Variants in PCDH15 observed in about 807,000 individuals in gnomAD.
The protein encoded by PCDH15 is protocadherin-15.
Under a neutral mutation model 178.5 loss-of-function variants are expected in PCDH15, and 129 were observed. The ratio of observed to expected loss-of-function variants is 0.72; its 90% CI spans 0.63 to 0.84. The LOEUF (loss-of-function observed/expected upper bound fraction) is 0.84, where lower values mean the gene tolerates loss of function less well. Among genes scored for constraint, PCDH15 ranks in the 40% least tolerant of loss-of-function variants. PCDH15 has a pLI of 0.00. For synonymous variants in PCDH15, 800 were observed against 732.0 expected, an observed-to-expected ratio of 1.09 and a Z score of -1.50; for missense variants, 2,230 against 2,099.9, an observed-to-expected ratio of 1.06 and a Z score of -1.21.
intron 2 of PCDH15, among the ~76,000 whole-genome samples, chr10:55,525,546 A>G (rs555061499): frequency 6.6e-6 from 1 of 152,006 alleles, no homozygotes; most frequent in South Asian, 2.1e-4. Flanking sequence ...CTAAATTTTT[A>G]AAGTATTTCT....
chr10:55,379,906 A>C (rs1316543889), intron 2 of PCDH15, among the ~76,000 whole-genome samples: 1 of 152,144 alleles, frequency 6.6e-6, no homozygotes, highest in East Asian at 1.9e-4. Flanking sequence ...GTTATTCTAG[A>C]AGTGCTAAGG....
rs1003660580 is a variant in PCDH15 at position 53,990,118 on chromosome 10, C to T, written c.2868+5531G>A. The stretch of plus-strand genomic sequence containing the variant: ...GTAACATCGTGACATTTTAATAAAA[C>T]ACAGATATACATTATAGAAAAGAAG... On this transcript the variant is annotated intron_variant, in intron 21 of 37. Transcript: ENST00000644397. 2.6e-5 allele frequency among the ~76,000 whole-genome samples: 4 copies of T among 152,060 alleles called. 1 individual carries two copies. The highest frequency in any genetic ancestry group is 5.9e-5 in the Non-Finnish European group (4 of 68,010).
intron 3 of PCDH15, among the ~76,000 whole-genome samples, chr10:54,396,245 T>A (rs1181113976): frequency 2.0e-5 from 3 of 152,166 alleles, no homozygotes; most frequent in Non-Finnish European, 4.4e-5. Flanking sequence ...CAAGTTGCTG[T>A]CTTTAGAAAT....
chr10:55,090,651 GCTCTTTGA>G (rs1263808869), intron 2 of PCDH15, among the ~76,000 whole-genome samples: 8 of 151,954 alleles, frequency 5.3e-5, no homozygotes. Flanking sequence ...ACCACATTCA[GCTCTTTGA>G]CATGACACAC....
rs1459600062 is a variant in PCDH15 at position 55,428,743 on chromosome 10, G to T, written c.-156+198882C>A. 2.6e-5 allele frequency among the ~76,000 whole-genome samples: 4 copies of T among 151,722 alleles called. No homozygotes were observed. In the East Asian group the frequency reaches 5.8e-4, roughly 22 times the overall value. ...CATGATTATTAATAGGTTTAAGTCT[G>T]TATTGTTATTTGTTTCCTATTAAAA... On this transcript the variant is annotated intron_variant, in intron 2 of 5. Transcript: ENST00000613346.
chr10:53,985,641 G>A (rs565908719), intron 21 of PCDH15, among the ~76,000 whole-genome samples: 17 of 152,050 alleles, frequency 1.1e-4, no homozygotes, highest in East Asian at 3.9e-4. Flanking sequence ...AACACACCCC[G>A]AGAAAAGATC....
chr10:54,584,159 A>G (rs1448249233), intron 2 of PCDH15, among the ~76,000 whole-genome samples: 3 of 152,056 alleles, frequency 2.0e-5, no homozygotes, highest in African/African-American at 7.2e-5. Context: ...AGCTGAGGAG[A>G]ATGACTTGAG....
chr10:54,430,096 C>A (rs551639681), intron 3 of PCDH15, among the ~76,000 whole-genome samples: 1 of 150,088 alleles, frequency 6.7e-6, no homozygotes, highest in African/African-American at 2.5e-5. Context: ...GGCTCTCTCA[C>A]CCAGGCTGGA....
chr10:54,261,989 A>G (rs1277299651), intron 8 of PCDH15, among the ~76,000 whole-genome samples: 1 of 152,216 alleles, frequency 6.6e-6, no homozygotes, highest in Non-Finnish European at 1.5e-5. Context: ...ACTAGACACC[A>G]GGACTGGCCC....
chr10:54,577,491 TCA>T (rs1374406538), intron 2 of PCDH15, among the ~76,000 whole-genome samples: 4 of 151,718 alleles, frequency 2.6e-5, no homozygotes, highest in Non-Finnish European at 5.9e-5. Flanking sequence ...CCAACTGTTC[TCA>T]CATTAAGAAA....
At chr10:54,593,649 C>T (rs1484946268) in intron 2 of PCDH15, among the ~76,000 whole-genome samples, 2 of 152,072 alleles carry the variant, frequency 1.3e-5, no homozygotes, top group East Asian at 3.9e-4. Context: ...TAGCTATTTG[C>T]TATTTGGAGT....
chr10:54,883,165 G>T (rs1410678942), intron 3 of PCDH15, among the ~76,000 whole-genome samples: 4 of 151,954 alleles, frequency 2.6e-5, no homozygotes, highest in Non-Finnish European at 2.9e-5. Flanking sequence ...GAAGCTAACA[G>T]CTACTCTCTT....
At chr10:54,519,387 CA>C (rs1410288950) in intron 3 of PCDH15, among the ~76,000 whole-genome samples, 1 of 151,756 alleles carries the variant, frequency 6.6e-6, no homozygotes, top group Non-Finnish European at 1.5e-5. Context: ...AATCAATGTA[CA>C]AAAATCACAA....
intron 2 of PCDH15, among the ~76,000 whole-genome samples, chr10:55,115,662 G>A (rs922433856): frequency 1.3e-5 from 2 of 152,124 alleles, no homozygotes; most frequent in Non-Finnish European, 2.9e-5. Flanking sequence ...CTGACAACCT[G>A]CTTGTTTCTG....
At chr10:54,919,897 A>G (rs972406418) in intron 2 of PCDH15, among the ~76,000 whole-genome samples, 19 of 152,108 alleles carry the variant, frequency 1.2e-4, no homozygotes, top group African/African-American at 4.3e-4. Context: ...GTTTGGGAAA[A>G]AAAAAAGGCT....
intron 3 of PCDH15, among the ~76,000 whole-genome samples, chr10:54,500,800 G>C (rs1189051893): frequency 6.6e-6 from 1 of 152,052 alleles, no homozygotes; most frequent in Non-Finnish European, 1.5e-5. Flanking sequence ...TCCAGCCTGG[G>C]CAACAGAAGT....
At chr10:54,274,964 A>T (rs1178884990) in intron 8 of PCDH15, among the ~76,000 whole-genome samples, 2 of 152,002 alleles carry the variant, frequency 1.3e-5, no homozygotes, top group African/African-American at 4.8e-5. Context: ...TGGCAACATG[A>T]CTTCTTTTCA....
chr10:54,703,409 T>G (rs2095333190), intron 1 of PCDH15, among the ~76,000 whole-genome samples: 1 of 151,742 alleles, frequency 6.6e-6, no homozygotes, highest in South Asian at 2.1e-4. Flanking sequence ...AAAATAAAAA[T>G]ATACAAATAG....
intron 2 of PCDH15, among the ~76,000 whole-genome samples, chr10:55,059,162 G>T (rs527993490): frequency 2.2e-4 from 34 of 152,068 alleles, no homozygotes; most frequent in Non-Finnish European, 4.3e-4. Context: ...GTTAATATGT[G>T]GAAAGTTCTG....
Sources: allele counts gnomAD v4.1 joint callset (sites outside exome capture counted in the v4.1 genomes callset), GRCh38; gene constraint gnomAD v4.1.1; transcripts MANE v1.5; gene names NCBI Gene and HGNC (gene_info 2026-07-23, HGNC 2026-07-21).